Variants in GAD2 observed in about 807,000 individuals in gnomAD.
The protein encoded by GAD2 is glutamate decarboxylase 2.
Under a neutral mutation model 80.1 loss-of-function variants are expected in GAD2, and 22 were observed. The observed-to-expected ratio is 0.27, with a 90% confidence interval of 0.20 to 0.39. The LOEUF (loss-of-function observed/expected upper bound fraction) is 0.39. Ranked by LOEUF, GAD2 falls within the 10% of genes least tolerant of loss-of-function variation. The pLI is 1.00. For missense variants in GAD2, 624 were observed against 738.4 expected (o/e 0.85, Z 1.80); for synonymous variants, 274 against 256.9 (o/e 1.07, Z -0.64).
At chr10:26,274,785 G>A (rs571383143) in intron 11 of GAD2, among the ~76,000 whole-genome samples, 3 of 152,304 alleles carry the variant, frequency 2.0e-5, no homozygotes, top group African/African-American at 7.2e-5. Context: ...TGGTTACTGG[G>A]CTGGAGTCAA....
chr10:26,222,398 GA>G (rs199764021), intron 4 of GAD2, among the ~76,000 whole-genome samples: 16 of 149,986 alleles, frequency 1.1e-4, no homozygotes, highest in African/African-American at 2.7e-4. Context: ...TTCCTCACTT[GA>G]AAAAAAAAGG....
At chr10:26,268,551 T>C (rs1000848299) in intron 8 of GAD2, among the ~76,000 whole-genome samples, 3 of 152,202 alleles carry the variant, frequency 2.0e-5, no homozygotes, top group Non-Finnish European at 4.4e-5. Context: ...TGTTTTTATT[T>C]TAGGAAAGAA....
chr10:26,256,090 A>C (rs909135341), intron 8 of GAD2, among the ~76,000 whole-genome samples: 13 of 152,212 alleles, frequency 8.5e-5, no homozygotes, highest in African/African-American at 2.7e-4. Flanking sequence ...TTGCAGGAAT[A>C]GTAAAAAGAA....
chr10:26,234,195 G>T (rs1844641657), intron 7 of GAD2, among the ~76,000 whole-genome samples: 2 of 151,754 alleles, frequency 1.3e-5, no homozygotes, highest in East Asian at 3.9e-4. Context: ...ATGTTGGTTG[G>T]CGCCTGTAAT....
intron 15 of GAD2, among the ~76,000 whole-genome samples, chr10:26,299,899 T>G (rs1188028116): frequency 1.3e-5 from 2 of 152,136 alleles, no homozygotes; most frequent in Non-Finnish European, 2.9e-5. Flanking sequence ...AAGGGATGGA[T>G]TCTAAGCACA....
intron 13 of GAD2, among the ~76,000 whole-genome samples, chr10:26,292,083 T>G (rs947916417): frequency 1.3e-5 from 2 of 152,074 alleles, no homozygotes; most frequent in African/African-American, 4.8e-5. Flanking sequence ...AAGCAGGCAT[T>G]CTGGGGGGTC....
At chr10:26,248,600 G>A (rs1282225356) in intron 8 of GAD2, among the ~76,000 whole-genome samples, 1 of 152,152 alleles carries the variant, frequency 6.6e-6, no homozygotes, top group African/African-American at 2.4e-5. Context: ...TTACTTCTCA[G>A]GTCTTGCTAG....
At chr10:26,220,841 A>C (rs960592392) in intron 4 of GAD2, among the ~76,000 whole-genome samples, 1 of 152,230 alleles carries the variant, frequency 6.6e-6, no homozygotes, top group Non-Finnish European at 1.5e-5. Context: ...TGGGAACTGC[A>C]AGTCAATGAA....
chr10:26,219,909 T>C (rs757384728), intron 4 of GAD2, among the ~76,000 whole-genome samples: 1 of 152,202 alleles, frequency 6.6e-6, no homozygotes, highest in Non-Finnish European at 1.5e-5. Context: ...CCAGCCACTG[T>C]ATATGTGAGA....
chr10:26,283,386 G>T (rs971109633), intron 12 of GAD2, among the ~76,000 whole-genome samples: 6 of 152,202 alleles, frequency 3.9e-5, no homozygotes, highest in African/African-American at 1.4e-4. Context: ...CCATTGTAAG[G>T]CTGTGCTCTT....
In GAD2 at chr10:26,270,701, C is replaced by T. The variant is rs775222691; in HGVS notation, c.1037C>T (p.Pro346Leu). The stretch of plus-strand genomic sequence containing the variant: ...ACCACCGTGTACGGAGCATTTGACC[C>T]CCTCTTAGCTGTCGCTGACATTTGC... Reference protein sequence around the residue: ...AGTTVYGAFDPLLAVADICKK... With the variant: ...AGTTVYGAFDLLLAVADICKK... Residue 346 changes from proline (P) to leucine (L), a missense_variant, in exon 10 of 16, where the codon CCC becomes CTC. Pro to Leu is a moderately conservative substitution (Grantham distance 98). Transcript: ENST00000376261. 1 of 1,614,020 alleles carries T rather than the reference C, an allele frequency of 6.2e-7. No homozygotes were observed. The highest frequency in any genetic ancestry group is 8.5e-7 in the Non-Finnish European group (1 of 1,180,006).
At position 26,300,959 on chromosome 10, in the gene GAD2, T is replaced by C. The variant is rs760920201; in HGVS notation, c.1756T>C (p.Ter586GlnextTer1). 48 of 1,613,054 alleles carry C rather than the reference T, an allele frequency of 3.0e-5. No homozygotes were observed. Among genetic ancestry groups the C allele is most frequent in the Non-Finnish European group, 3.6e-5 (43 of 1,179,262 alleles). Residue 586 changes from the stop codon to glutamine, a stop_lost, in exon 16 of 16, where the codon TAA (stop) becomes CAA (glutamine). Coordinates refer to ENST00000376261, the MANE Select transcript of GAD2 (RefSeq NM_001134366.2). ...EEIERLGQDL* is the reference protein window; with the variant it reads ...EEIERLGQDLQ Reference sequence around the variant, plus strand: ...AATAGAACGCCTTGGACAAGATTTATAATAACCTTGCTCACCAAGCTGTTC... The same window carrying C: ...AATAGAACGCCTTGGACAAGATTTACAATAACCTTGCTCACCAAGCTGTTC...
intron 15 of GAD2, 48 bp downstream of exon 15, chr10:26,293,039 T>C: frequency 7.0e-7 from 1 of 1,423,994 alleles, no homozygotes; most frequent in Non-Finnish European, 9.9e-7. Flanking sequence ...GAGCCTTTCA[T>C]GTGCACATCT....
intron 7 of GAD2, among the ~76,000 whole-genome samples, chr10:26,244,134 G>A (rs187591905): frequency 1.3e-5 from 2 of 152,338 alleles, no homozygotes; most frequent in African/African-American, 4.8e-5. Context: ...AGCACAAGAT[G>A]TTCAACCTCA....
At chr10:26,259,467 T>G (rs1397356843) in intron 8 of GAD2, among the ~76,000 whole-genome samples, 1 of 152,182 alleles carries the variant, frequency 6.6e-6, no homozygotes, top group Non-Finnish European at 1.5e-5. Flanking sequence ...CCCTGATGAT[T>G]AGTGGTGTTG....
rs1456810057 is a variant in GAD2 at position 26,303,800 on chromosome 10, G to A, written c.*2839G>A. The A allele has an allele frequency of 1.3e-5, 2 of 152,220 alleles. No homozygotes were observed. Among genetic ancestry groups the A allele is most frequent in the Admixed American group, 1.3e-4 (2 of 15,278 alleles). 9.4% of individuals were successfully genotyped at this position (152,220 alleles called of 1,614,324 possible). On this transcript the variant is annotated 3_prime_UTR_variant, in exon 16 of 16. Transcript: ENST00000376261. Reference sequence around the variant, plus strand: ...CTGACTGTGTTGCCTTTATTATCTGGATAATACTGTCTTGTCACCTCAGAT... The same window carrying A: ...CTGACTGTGTTGCCTTTATTATCTGAATAATACTGTCTTGTCACCTCAGAT...
At chr10:26,232,366 C>T (rs969065200) in intron 7 of GAD2, among the ~76,000 whole-genome samples, 10 of 151,400 alleles carry the variant, frequency 6.6e-5, no homozygotes, top group Admixed American at 2.6e-4. Context: ...CAGCCTCATG[C>T]TTTATGTAAA....
At chr10:26,250,540 A>G (rs1240161082) in intron 8 of GAD2, among the ~76,000 whole-genome samples, 1 of 152,102 alleles carries the variant, frequency 6.6e-6, no homozygotes, top group African/African-American at 2.4e-5. Context: ...GGAGTAAGAA[A>G]GAAGGAAGTG....
chr10:26,234,880 C>CT lies in GAD2; in HGVS notation c.840+5113dup, dbSNP rs529101791. ...TCCCATTTTCCCCATGTTGATTATT[C>CT]TTTTTTTTTTGAGATGGAATCTCTC... On this transcript the variant is annotated intron_variant, in intron 7 of 15. Coordinates refer to ENST00000376261, the MANE Select transcript of GAD2 (RefSeq NM_001134366.2). 1.4e-3 allele frequency among the ~76,000 whole-genome samples: 206 copies of CT among 149,506 alleles called. No individual in the cohort carries two copies. In the East Asian group the frequency reaches 0.014, roughly 10 times the overall value.
Sources: gnomAD v4.1 joint callset for allele counts (sites outside exome capture counted in the v4.1 genomes callset) on GRCh38, gnomAD v4.1.1 for gene constraint, MANE v1.5 for transcripts, NCBI Gene and HGNC (gene_info 2026-07-23, HGNC 2026-07-21) for gene names.